Variants in MTMR9 observed in about 807,000 individuals in gnomAD.
MTMR9 encodes the protein myotubularin-related protein 9.
In MTMR9, 39 loss-of-function variants were observed where a neutral mutation model predicts 69.5. The ratio of observed to expected loss-of-function variants is 0.56; its 90% CI spans 0.43 to 0.73. The LOEUF is 0.73. Ranked by LOEUF, MTMR9 falls within the 30% of genes least tolerant of loss-of-function variation. MTMR9 has a pLI of 0.00. For missense variants in MTMR9, 900 were observed against 671.2 expected (o/e 1.34, Z -3.77); for synonymous variants, 354 against 240.8 (o/e 1.47, Z -4.35).
intron 6 of MTMR9, 151 bp downstream of exon 6, chr8:11,309,839 G>A: frequency 1.3e-6 from 1 of 743,776 alleles, no homozygotes; most frequent in Non-Finnish European, 2.1e-6. Flanking sequence ...TGAGGTGTGT[G>A]CCTAGAGTCT....
At chr8:11,336,497 A>C in the MTMR9 span, among the ~76,000 whole-genome samples, 9 of 152,322 alleles carry the variant, frequency 5.9e-5, no homozygotes, top group Middle Eastern at 3.4e-3. Context: ...GTGTATTTAA[A>C]ATACTTCTTT....
At chr8:11,311,716 T>C (rs1447845811) in intron 6 of MTMR9, among the ~76,000 whole-genome samples, 1 of 152,166 alleles carries the variant, frequency 6.6e-6, no homozygotes, top group Non-Finnish European at 1.5e-5. Flanking sequence ...AAGACAGCAA[T>C]GAAGATTGCC....
At chr8:11,285,166 C>T (rs576686335) in intron 1 of MTMR9, 96 bp downstream of exon 1, 1 of 1,262,220 alleles carries the variant, frequency 7.9e-7, no homozygotes, top group Non-Finnish European at 1.1e-6. Context: ...CAGCCTGCCG[C>T]CCAGCTAGCC....
chr8:11,330,970 G>A (rs1469263298), downstream of MTMR9: 18 of 1,424,620 alleles, frequency 1.3e-5, no homozygotes, highest in South Asian at 6.2e-5. Context: ...TGGACTCAGC[G>A]GGAAAATAGG....
chr8:11,308,392 T>C (rs1800053541), intron 5 of MTMR9, among the ~76,000 whole-genome samples: 1 of 152,242 alleles, frequency 6.6e-6, no homozygotes, highest in Non-Finnish European at 1.5e-5. Context: ...CATTAGTCAA[T>C]GTGTCTGTTT....
chr8:11,287,557 C>A (rs1458220268), intron 1 of MTMR9, among the ~76,000 whole-genome samples: 1 of 151,204 alleles, frequency 6.6e-6, no homozygotes, highest in Admixed American at 6.6e-5. Flanking sequence ...ACCTGTTTTC[C>A]ACGTGCATTG....
At chr8:11,286,808 C>G (rs1453165894) in intron 1 of MTMR9, among the ~76,000 whole-genome samples, 1 of 151,876 alleles carries the variant, frequency 6.6e-6, no homozygotes, top group African/African-American at 2.4e-5. Flanking sequence ...ACGAGCCTTT[C>G]TTGCACTTGC....
At chr8:11,336,157 C>T in the MTMR9 span, among the ~76,000 whole-genome samples, 1 of 152,170 alleles carries the variant, frequency 6.6e-6, no homozygotes. Flanking sequence ...GAAAAGAGTG[C>T]CATATCAAGA....
chr8:11,334,602 T>TG, the MTMR9 span, among the ~76,000 whole-genome samples: 1 of 150,974 alleles, frequency 6.6e-6, no homozygotes, highest in East Asian at 1.9e-4. Flanking sequence ...ATGGGGAAAA[T>TG]GGGGGGCAAG....
the MTMR9 span, among the ~76,000 whole-genome samples, chr8:11,334,281 T>C: frequency 6.6e-6 from 1 of 152,214 alleles, no homozygotes; most frequent in African/African-American, 2.4e-5. Flanking sequence ...GGCTTGTAAC[T>C]CCACTTTTTA....
chr8:11,315,399 G>A (rs979283854), intron 7 of MTMR9, among the ~76,000 whole-genome samples: 5 of 152,130 alleles, frequency 3.3e-5, no homozygotes, highest in African/African-American at 1.2e-4. Flanking sequence ...GGGGAGTGGG[G>A]CCTGTAGTTG....
At chr8:11,307,917 G>C (rs1001544758) in intron 5 of MTMR9, among the ~76,000 whole-genome samples, 2 of 151,998 alleles carry the variant, frequency 1.3e-5, no homozygotes, top group African/African-American at 4.8e-5. Flanking sequence ...TTGCTGTTGA[G>C]TTGAGTTTCT....
intron 7 of MTMR9, among the ~76,000 whole-genome samples, 190 bp downstream of exon 7, chr8:11,315,254 G>A (rs1800367822): frequency 6.6e-6 from 1 of 152,122 alleles, no homozygotes; most frequent in South Asian, 2.1e-4. Context: ...TTCCTCACTT[G>A]ACACTTCCTT....
chr8:11,298,847 C>T lies in MTMR9; in HGVS notation c.292-1176C>T, dbSNP rs181729058. 6.9e-4 allele frequency: 675 copies of T among 984,466 alleles called. 2 individuals are homozygous for T. In the African/African-American group the frequency reaches 0.011, roughly 17 times the overall value. The allele number at this position is 984,466 out of a possible 1,614,324, so 61.0% of individuals were successfully genotyped here. A position where few individuals can be genotyped will look rare whatever the true frequency, so the allele number is the denominator to read the frequency against. Reference sequence around the variant, plus strand: ...CCCATCTACTCAGGTTTTCCTATGTCTGTTTTCCAGGATTCAAGTGCTCCA... The same window carrying T: ...CCCATCTACTCAGGTTTTCCTATGTTTGTTTTCCAGGATTCAAGTGCTCCA... On this transcript the variant is annotated intron_variant, in intron 2 of 9. Transcript: ENST00000221086.
intron 9 of MTMR9, chr8:11,321,669 C>G (rs1045643592): frequency 6.4e-6 from 2 of 313,942 alleles, no homozygotes; most frequent in Non-Finnish European, 1.3e-5. Context: ...TAAGACTGCT[C>G]TTCGGCCTTA....
rs754447005 is a variant in MTMR9 at position 11,300,073 on chromosome 8, T to C, written c.342T>C (p.Arg114=). 7 of 1,613,712 alleles carry C rather than the reference T, an allele frequency of 4.3e-6. No individual in the cohort carries two copies. Among genetic ancestry groups the C allele is most frequent in the Admixed American group, 1.7e-5 (1 of 60,006 alleles). The part of the protein sequence containing the change: ...SITLMYPFFY[R]PMFEVIEDGW... ...CTCTGATGTACCCTTTCTTTTACCGTCCTATGTTTGAAGTGATAGAAGATG... is the reference window on the plus strand; with the variant it reads ...CTCTGATGTACCCTTTCTTTTACCGCCCTATGTTTGAAGTGATAGAAGATG... Residue 114 remains arginine, a synonymous_variant, in exon 3 of 10, where the codon CGT becomes CGC. Coordinates refer to ENST00000221086, the MANE Select transcript of MTMR9 (RefSeq NM_015458.4).
chr8:11,299,422 AT>A, intron 2 of MTMR9, among the ~76,000 whole-genome samples: 1 of 152,184 alleles, frequency 6.6e-6, no homozygotes, highest in East Asian at 1.9e-4. Context: ...CAACAACACT[AT>A]GAAGTAGGTA....
At chr8:11,311,654 G>A (rs1800202356) in intron 6 of MTMR9, among the ~76,000 whole-genome samples, 2 of 152,228 alleles carry the variant, frequency 1.3e-5, no homozygotes, top group Admixed American at 6.5e-5. Context: ...GCTGCTGACT[G>A]ATCAGGGTGG....
In MTMR9 at chr8:11,311,706, A is replaced by C. The variant is rs183044432; in HGVS notation, c.971+2018A>C. The stretch of plus-strand genomic sequence containing the variant: ...GAATGGCTGTGGCAATTTCTTAGAC[A>C]AGACAGCAATGAAGATTGCCGCATC... On this transcript the variant is annotated intron_variant, in intron 6 of 9. Coordinates refer to ENST00000221086, the MANE Select transcript of MTMR9 (RefSeq NM_015458.4). 2.7e-3 allele frequency among the ~76,000 whole-genome samples: 414 copies of C among 152,294 alleles called. 1 individual carries two copies. Among genetic ancestry groups the C allele is most frequent in the African/African-American group, 9.4e-3 (392 of 41,558 alleles).
Sources: allele counts gnomAD v4.1 joint callset (sites outside exome capture counted in the v4.1 genomes callset), GRCh38; gene constraint gnomAD v4.1.1; transcripts MANE v1.5; gene names NCBI Gene and HGNC (gene_info 2026-07-23, HGNC 2026-07-21).